The following TRABD2A variants were observed in gnomAD, a reference collection of about 807,000 sequenced individuals.
TRABD2A encodes metalloprotease TIKI1.
Under a neutral mutation model 45.6 loss-of-function variants are expected in TRABD2A, and 43 were observed. The observed-to-expected ratio is 0.94, with a 90% confidence interval of 0.74 to 1.22. TRABD2A has a LOEUF of 1.22. Ranked by LOEUF, TRABD2A falls within the 50% of genes most tolerant of loss-of-function variation. The pLI is 0.00. For missense variants in TRABD2A, 642 were observed against 652.4 expected (o/e 0.98, Z 0.17); for synonymous variants, 269 against 265.0 (o/e 1.02, Z -0.15).
chr2:84,835,325 G>A (rs1232541496), intron 4 of TRABD2A: 1 of 152,116 alleles, frequency 6.6e-6, no homozygotes, highest in Non-Finnish European at 1.5e-5. Flanking sequence ...CACAGACTGG[G>A]TCATTTATAA....
chr2:84,840,977 CAT>C (rs1239002718), intron 3 of TRABD2A, among the ~76,000 whole-genome samples: 4 of 152,210 alleles, frequency 2.6e-5, no homozygotes, highest in South Asian at 4.1e-4. Context: ...CATGTTCACA[CAT>C]GTCTCCTTAT....
In TRABD2A at chr2:84,824,032, A is replaced by T. The variant is rs1336237919; in HGVS notation, c.1255T>A (p.Phe419Ile). ...ADTPSEAEQR[F>I]RKKRRRSQRR... ...TGTGACCGCCTCCGCTTCTTCCGGAACCTCTGTTCGGCCTCACTGGGCGTG... is the reference window on the plus strand; with the variant it reads ...TGTGACCGCCTCCGCTTCTTCCGGATCCTCTGTTCGGCCTCACTGGGCGTG... The change falls in exon 6 of 7, where the codon TTC becomes ATC. Residue 419 changes from phenylalanine (F) to isoleucine (I), a missense_variant. Phe to Ile is a conservative substitution (Grantham distance 21). Transcript: ENST00000409520. 7 of 1,613,600 alleles carry T rather than the reference A, an allele frequency of 4.3e-6. No individual in the cohort carries two copies. Among genetic ancestry groups the T allele is most frequent in the Middle Eastern group, 1.6e-4 (1 of 6,078 alleles).
chr2:84,836,508 T>G (rs1400493007), intron 4 of TRABD2A: 1 of 152,230 alleles, frequency 6.6e-6, no homozygotes, highest in African/African-American at 2.4e-5. Context: ...TGACACGCCT[T>G]GGTGTGAAAC....
rs903293131 is a variant in TRABD2A, at chr2:84,850,724, G to C, written c.670-8717C>G. ...GGCATGCTCAACCCCTCCATGGGGG[G>C]CCTTCAGCAACAATGATCCAAGGAA... On this transcript the variant is annotated intron_variant, in intron 2 of 6. Transcript: ENST00000409520. 3.2e-4 allele frequency: 48 copies of C among 152,214 alleles called. 1 individual carries two copies. Among genetic ancestry groups the C allele is most frequent in the Admixed American group, 3.1e-3 (48 of 15,274 alleles). 9.4% of individuals were successfully genotyped at this position (152,214 alleles called of 1,614,324 possible). A position where few individuals can be genotyped will look rare whatever the true frequency, so the allele number is the denominator to read the frequency against.
chr2:84,839,514 T>C (rs1681638328), intron 3 of TRABD2A, among the ~76,000 whole-genome samples, 191 bp from the exon 4 acceptor site: 1 of 151,806 alleles, frequency 6.6e-6, no homozygotes, highest in Non-Finnish European at 1.5e-5. Context: ...GTGAAAAAAA[T>C]ATTAAGTGAA....
At chr2:84,877,856 C>T (rs1372092352) in intron 1 of TRABD2A, among the ~76,000 whole-genome samples, 2 of 152,194 alleles carry the variant, frequency 1.3e-5, no homozygotes, top group Non-Finnish European at 2.9e-5. Flanking sequence ...AGCAGACCAG[C>T]CACAATGAAG....
rs201322439 is a variant in TRABD2A at position 84,832,049 on chromosome 2, G to A, written c.1082+6C>T. 43 of 1,613,942 alleles carry A rather than the reference G, an allele frequency of 2.7e-5. No homozygotes were observed. The African/African-American group carries it at 3.1e-4, about 12-fold the overall frequency. Reference sequence around the variant, plus strand: ...CCCAGCCAAGATAGAAGCACAGGACGGTTACTTGTGGATGGGTCGTCCAGC... The same window carrying A: ...CCCAGCCAAGATAGAAGCACAGGACAGTTACTTGTGGATGGGTCGTCCAGC... On this transcript the variant is annotated splice_donor_region_variant and intron_variant, in intron 5 of 6. Transcript: ENST00000409520.
In TRABD2A at chr2:84,870,365, C is replaced by G; in HGVS notation, c.529G>C (p.Glu177Gln). The G allele has an allele frequency of 1.2e-6, 2 of 1,614,054 alleles. No individual in the cohort carries two copies. Among genetic ancestry groups the G allele is most frequent in the Non-Finnish European group, 1.7e-6 (2 of 1,179,894 alleles). ...ACTCCACGGGACTTAATGTCCACTT[C>G]AGTCAGGGAGTTGACCATGAGCATC... Reference protein sequence around the residue: ...WVMLMVNSLTEVDIKSRGVPV... With the variant: ...WVMLMVNSLTQVDIKSRGVPV... The change falls in exon 2 of 7, where the codon GAA becomes CAA. Residue 177 changes from glutamate to glutamine, a missense_variant. Glu to Gln is a conservative substitution (Grantham distance 29, BLOSUM62 2). Coordinates refer to ENST00000409520, the MANE Select transcript of TRABD2A (RefSeq NM_001277053.2).
intron 4 of TRABD2A, chr2:84,837,962 C>T: frequency 2.6e-6 from 1 of 387,810 alleles, no homozygotes; most frequent in Non-Finnish European, 4.6e-6. Flanking sequence ...TTGCTATTTC[C>T]AGCAACTATG....
intron 2 of TRABD2A, among the ~76,000 whole-genome samples, chr2:84,865,086 A>G (rs1199051585): frequency 6.6e-6 from 1 of 152,194 alleles, no homozygotes; most frequent in East Asian, 1.9e-4. Context: ...TGTTTCTTCT[A>G]TTAGGTGACC....
chr2:84,848,321 A>G (rs1681966030), intron 2 of TRABD2A, among the ~76,000 whole-genome samples: 1 of 140,096 alleles, frequency 7.1e-6, no homozygotes, highest in Admixed American at 7.4e-5. Flanking sequence ...CTGTCTGCAC[A>G]TAAAAATGAT....
At chr2:84,865,064 C>T (rs1246261941) in intron 2 of TRABD2A, among the ~76,000 whole-genome samples, 5 of 152,208 alleles carry the variant, frequency 3.3e-5, no homozygotes, top group African/African-American at 1.2e-4. Context: ...AGAGAATCAT[C>T]CTGGAGCCAT....
rs1388514233 is a variant in TRABD2A, at chr2:84,830,880, G to A, written c.1082+1175C>T. Among the ~76,000 whole-genome samples the A allele has an allele frequency of 6.6e-6, 1 of 152,164 alleles. No homozygotes were observed. The highest frequency in any genetic ancestry group is 2.4e-5 in the African/African-American group (1 of 41,426). ...GCTGGAGATGGGCGGCCTTCGGGCA[G>A]ACACAACTGCTGGATCCTCTGCCAG... On this transcript the variant is annotated intron_variant, in intron 5 of 6. Transcript: ENST00000409520. The surrounding 1 kb of genome is among the most constrained non-coding windows in gnomAD (Gnocchi z 4.9).
intron 4 of TRABD2A, 36 bp from the exon 5 acceptor site, chr2:84,832,181 C>G: frequency 1.2e-6 from 2 of 1,602,624 alleles, no homozygotes; most frequent in Non-Finnish European, 1.7e-6. Flanking sequence ...TGCTGCAGCT[C>G]TCAGGACCAC....
intron 2 of TRABD2A, among the ~76,000 whole-genome samples, chr2:84,868,667 A>T (rs922005405): frequency 4.6e-5 from 7 of 151,844 alleles, no homozygotes; most frequent in Non-Finnish European, 1.0e-4. Context: ...CTTAAAGTAT[A>T]AGAAAAAAAG....
Position 84,839,170 on chromosome 2 carries a change from A to G in TRABD2A, c.970T>C (p.Phe324Leu). ...TCACCAGCTCCAAAGGCAAAGAAGA[A>G]GCCTTTGTCAGGGAACTCCTCCAAA... is the stretch of plus-strand genomic sequence containing the variant. Reference protein sequence around the residue: ...ALLEEFPDKGFFFAFGAGHFM... With the variant: ...ALLEEFPDKGLFFAFGAGHFM... Residue 324 changes from phenylalanine (F) to leucine (L), a missense_variant, in exon 4 of 7, where the codon TTC becomes CTC. Physicochemically the swap from Phe to Leu is conservative, Grantham distance 22 (BLOSUM62 0). Transcript: ENST00000409520. The G allele has an allele frequency of 1.2e-6, 2 of 1,613,918 alleles. No individual in the cohort carries two copies. The highest frequency in any genetic ancestry group is 1.7e-6 in the Non-Finnish European group (2 of 1,179,856).
chr2:84,842,103 G>A (rs997227622), intron 2 of TRABD2A, 96 bp from the exon 3 acceptor site: 4 of 1,310,346 alleles, frequency 3.1e-6, no homozygotes, highest in Non-Finnish European at 4.0e-6. Context: ...TCACCTTTGT[G>A]CTCGTTATGT....
At chr2:84,823,455 A>G (rs1162682664) in intron 6 of TRABD2A, among the ~76,000 whole-genome samples, 5 of 152,182 alleles carry the variant, frequency 3.3e-5, no homozygotes, top group Non-Finnish European at 1.5e-5. Flanking sequence ...TAGTTCTTCC[A>G]GAAGCCTTGT....
Position 84,830,174 on chromosome 2 carries a change from G to A in TRABD2A, c.1082+1881C>T, listed in dbSNP as rs536932528. On this transcript the variant is annotated intron_variant, in intron 5 of 6. Coordinates refer to ENST00000409520, the MANE Select transcript of TRABD2A (RefSeq NM_001277053.2). This position sits in a 1 kb window ranked among gnomAD's most constrained non-coding sequence, Gnocchi z 4.9. ...GGAAAGACCCACAGTCCTGCAGGGC[G>A]CAGAGAACCCCTAAGGGCTGGCTCC... is the stretch of plus-strand genomic sequence containing the variant. 2.6e-5 allele frequency among the ~76,000 whole-genome samples: 4 copies of A among 152,294 alleles called. No individual in the cohort carries two copies. Among genetic ancestry groups the A allele is most frequent in the South Asian group, 2.1e-4 (1 of 4,828 alleles).
Sources: gnomAD v4.1 joint callset for allele counts (sites outside exome capture counted in the v4.1 genomes callset) on GRCh38, gnomAD v4.1.1 for gene constraint, Gnocchi (gnomAD v3.1) non-coding constraint, MANE v1.5 for transcripts, NCBI Gene and HGNC (gene_info 2026-07-23, HGNC 2026-07-21) for gene names.